MUSK: variants seen among roughly 807,000 people sequenced by gnomAD.
MUSK encodes muscle, skeletal receptor tyrosine-protein kinase.
A neutral mutation model predicts 88.7 loss-of-function variants in MUSK; 55 were observed. That is an observed-to-expected ratio of 0.62 (90% CI 0.50 to 0.78). The LOEUF (loss-of-function observed/expected upper bound fraction) is 0.78, where lower values mean the gene tolerates loss of function less well. Among genes scored for constraint, MUSK ranks in the 30% least tolerant of loss-of-function variants. The pLI is 0.00. For missense variants in MUSK, 1,015 were observed against 1,074.3 expected (o/e 0.94, Z 0.77); for synonymous variants, 387 against 391.9 (o/e 0.99, Z 0.15).
At chr9:110,761,512 T>A in intron 7 of MUSK, among the ~76,000 whole-genome samples, 1 of 149,738 alleles carries the variant, frequency 6.7e-6, no homozygotes, top group South Asian at 2.1e-4. Context: ...CTCCTTCTTT[T>A]TTCTTTTTTT....
At chr9:110,757,243 G>C (rs1266567950) in intron 7 of MUSK, among the ~76,000 whole-genome samples, 2 of 152,026 alleles carry the variant, frequency 1.3e-5, no homozygotes, top group Non-Finnish European at 2.9e-5. Context: ...TGGATAATTT[G>C]AGGTTGGGAG....
intron 1 of MUSK, among the ~76,000 whole-genome samples, chr9:110,671,142 T>G (rs922725438): frequency 5.3e-5 from 8 of 152,110 alleles, no homozygotes; most frequent in African/African-American, 1.7e-4. Flanking sequence ...CGGCTAATTT[T>G]TATATTTTTA....
intron 5 of MUSK, among the ~76,000 whole-genome samples, chr9:110,701,900 T>A (rs1210046653): frequency 8.0e-6 from 1 of 124,432 alleles, no homozygotes; most frequent in Admixed American, 1.0e-4. Flanking sequence ...TTTTATTTTA[T>A]TTTATTTTAT....
intron 7 of MUSK, among the ~76,000 whole-genome samples, chr9:110,755,979 CATAT>C (rs61338385): frequency 1.0e-3 from 104 of 102,432 alleles, no homozygotes; most frequent in Admixed American, 1.9e-3. Context: ...TATATATATA[CATAT>C]ATATATATAT....
intron 8 of MUSK, among the ~76,000 whole-genome samples, chr9:110,766,887 T>C (rs76788101): frequency 0.012 from 1,857 of 152,318 alleles, 16 homozygotes; most frequent in South Asian, 0.031. Context: ...AAGTATTCAA[T>C]ATATGTTTGT....
chr9:110,801,648 CCCT>C lies in MUSK; in HGVS notation c.*664_*666del, dbSNP rs1242494648. 1 of 152,066 alleles carries C rather than the reference CCCT, an allele frequency of 6.6e-6. No homozygotes were observed. Among genetic ancestry groups the C allele is most frequent in the Non-Finnish European group, 1.5e-5 (1 of 68,004 alleles). 9.4% of individuals were successfully genotyped at this position (152,066 alleles called of 1,614,324 possible). On this transcript the variant is annotated 3_prime_UTR_variant, in exon 15 of 15. Coordinates refer to ENST00000374448, the MANE Select transcript of MUSK (RefSeq NM_005592.4). ...CTGAGTTCCCTTTTCTGTCCTGTGC[CCCT>C]CCTTTTTTCCTTTCTGTGCATTTGT...
intron 7 of MUSK, among the ~76,000 whole-genome samples, chr9:110,760,949 A>C (rs532312278): frequency 6.6e-6 from 1 of 152,320 alleles, no homozygotes; most frequent in South Asian, 2.1e-4. Flanking sequence ...AAATGGATCT[A>C]AAACCTTCAA....
intron 8 of MUSK, among the ~76,000 whole-genome samples, chr9:110,764,999 A>G (rs1048859766): frequency 1.3e-5 from 2 of 152,152 alleles, no homozygotes; most frequent in Admixed American, 6.5e-5. Context: ...GGGGTTCATT[A>G]TTAGTTGATT....
At chr9:110,752,862 C>G (rs2077264917) in intron 7 of MUSK, among the ~76,000 whole-genome samples, 1 of 152,166 alleles carries the variant, frequency 6.6e-6, no homozygotes, top group Admixed American at 6.5e-5. Flanking sequence ...CTTTCTGACT[C>G]ATTTACATTT....
intron 8 of MUSK, among the ~76,000 whole-genome samples, chr9:110,762,577 T>TA (rs141645680): frequency 0.033 from 4,961 of 151,618 alleles, 104 homozygotes; most frequent in Middle Eastern, 0.051. Context: ...AAAAAAAAAA[T>TA]AAAAAAACCT....
chr9:110,672,179 G>A (rs1220008506), intron 1 of MUSK, among the ~76,000 whole-genome samples: 1 of 152,210 alleles, frequency 6.6e-6, no homozygotes, highest in Non-Finnish European at 1.5e-5. Flanking sequence ...GAAGGAAGGA[G>A]CAGAAATTTC....
At chr9:110,775,722 C>T (rs1588025172) in intron 9 of MUSK, 66 bp from the exon 10 acceptor site, 2 of 1,440,208 alleles carry the variant, frequency 1.4e-6, no homozygotes, top group African/African-American at 2.8e-5. Flanking sequence ...AGAATTTAGG[C>T]TCTGCCACAA....
At chr9:110,701,915 T>C (rs1267448938) in intron 5 of MUSK, among the ~76,000 whole-genome samples, 2 of 134,330 alleles carry the variant, frequency 1.5e-5, no homozygotes, top group African/African-American at 2.7e-5. Flanking sequence ...TTTTATTTTA[T>C]TTTATTTTAT....
intron 6 of MUSK, among the ~76,000 whole-genome samples, chr9:110,738,595 CA>C (rs2077057019): frequency 6.6e-6 from 1 of 152,154 alleles, no homozygotes; most frequent in Admixed American, 6.6e-5. Context: ...GCTTAACTTT[CA>C]TATAAGAAAA....
At chr9:110,673,961 C>A (rs564510687) in intron 1 of MUSK, among the ~76,000 whole-genome samples, 1 of 152,178 alleles carries the variant, frequency 6.6e-6, no homozygotes, top group Non-Finnish European at 1.5e-5. Flanking sequence ...TTACTTAGCA[C>A]TAAAGCATGA....
chr9:110,743,314 A>AT (rs917737293), intron 6 of MUSK, among the ~76,000 whole-genome samples: 4 of 152,316 alleles, frequency 2.6e-5, no homozygotes, highest in African/African-American at 7.2e-5. Flanking sequence ...AATACCAAGC[A>AT]TTTTTTGTGG....
intron 5 of MUSK, among the ~76,000 whole-genome samples, chr9:110,709,248 T>A (rs1587937509): frequency 6.6e-6 from 1 of 152,366 alleles, no homozygotes; most frequent in African/African-American, 2.4e-5. Flanking sequence ...ACTCTGAGAC[T>A]GTAATTGTTA....
chr9:110,770,222 T>TATTA (rs2077548360), intron 9 of MUSK, among the ~76,000 whole-genome samples: 1 of 149,628 alleles, frequency 6.7e-6, no homozygotes, highest in African/African-American at 2.4e-5. Context: ...TAATTATTTT[T>TATTA]ATTACATGTT....
chr9:110,765,735 G>A (rs1004579797), intron 8 of MUSK, among the ~76,000 whole-genome samples: 64 of 151,912 alleles, frequency 4.2e-4, no homozygotes, highest in Middle Eastern at 3.4e-3. Flanking sequence ...CACCACGCCC[G>A]GCTAATTTTT....
Sources: gnomAD v4.1 joint callset for allele counts (sites outside exome capture counted in the v4.1 genomes callset) on GRCh38, gnomAD v4.1.1 for gene constraint, MANE v1.5 for transcripts, NCBI Gene and HGNC (gene_info 2026-07-23, HGNC 2026-07-21) for gene names.